Variants in MICAL2 observed in about 807,000 individuals in gnomAD.
MICAL2 encodes the protein [F-actin]-monooxygenase MICAL2.
MICAL2 carries 77 observed loss-of-function variants against 127.3 expected under a neutral mutation model. The ratio of observed to expected loss-of-function variants is 0.60; its 90% CI spans 0.50 to 0.73. The LOEUF is 0.73. MICAL2 is among the 30% of genes least tolerant of loss of function. The pLI, the probability that MICAL2 is intolerant of heterozygous loss-of-function variation, is 0.00. For synonymous variants in MICAL2, 570 were observed against 551.1 expected (o/e 1.03, Z -0.48); for missense variants, 1,351 against 1,434.4 (o/e 0.94, Z 0.94).
At chr11:12,135,720 C>G (rs1851780552) in intron 1 of MICAL2, among the ~76,000 whole-genome samples, 1 of 152,210 alleles carries the variant, frequency 6.6e-6, no homozygotes, top group African/African-American at 2.4e-5. Flanking sequence ...AACTGCCTCA[C>G]TGGGTAGCCT....
intron 1 of MICAL2, among the ~76,000 whole-genome samples, chr11:12,280,640 C>A (rs1418225697): frequency 6.6e-6 from 1 of 152,214 alleles, no homozygotes; most frequent in Non-Finnish European, 1.5e-5. Context: ...ATATCAGGTG[C>A]ATGGGACAAG....
rs1251462073 is a variant in MICAL2 at position 12,241,038 on chromosome 11, A to T, written c.2215-2A>T. On this transcript the variant is annotated splice_acceptor_variant, in intron 17 of 27. Coordinates refer to ENST00000683283, the MANE Select transcript of MICAL2 (RefSeq NM_001282663.2). LOFTEE classifies it high-confidence loss of function. ...TTTTTGGACTCGCCTTTCTTCTCCC[A>T]GGAACGCCGTGTCTCAGGGATAGGT... 3 of 1,613,286 alleles carry T rather than the reference A, an allele frequency of 1.9e-6. No individual in the cohort carries two copies. Among genetic ancestry groups the T allele is most frequent in the Non-Finnish European group, 2.5e-6 (3 of 1,179,722 alleles).
At chr11:12,116,192 A>G (rs1408154488) in intron 1 of MICAL2, among the ~76,000 whole-genome samples, 2 of 151,514 alleles carry the variant, frequency 1.3e-5, no homozygotes, top group Non-Finnish European at 2.9e-5. Context: ...GTTAGCCAGG[A>G]TGGTCTTGAT....
Position 12,258,574 on chromosome 11 carries a change from A to C in MICAL2, c.3231+18A>C. The C allele has an allele frequency of 6.2e-7, 1 of 1,607,622 alleles. No homozygotes were observed. The highest frequency in any genetic ancestry group is 8.5e-7 in the Non-Finnish European group (1 of 1,175,180). On this transcript the variant is annotated intron_variant, in intron 25 of 27. Coordinates refer to ENST00000683283, the MANE Select transcript of MICAL2 (RefSeq NM_001282663.2). ...AAAGAGAGGTATGTTTGTCTCAAAC[A>C]TGCTGGTGAAACGGGGAAGGCCCCT... is the stretch of plus-strand genomic sequence containing the variant.
chr11:12,262,286 G>A, intron 26 of MICAL2, 194 bp from the exon 27 acceptor site: 1 of 1,431,562 alleles, frequency 7.0e-7, no homozygotes, highest in Non-Finnish European at 9.1e-7. Flanking sequence ...TAAACAAGTA[G>A]CTGGTCACAA....
rs559438088 is a variant in MICAL2, at chr11:12,231,653, C to G, written c.1995+4522C>G. ...GCAGCTTACCTTCTAGTGGGACTTACGAACTTCCTCTCACCTCACTTCCCC... is the reference window on the plus strand; with the variant it reads ...GCAGCTTACCTTCTAGTGGGACTTAGGAACTTCCTCTCACCTCACTTCCCC... On this transcript the variant is annotated intron_variant, in intron 15 of 27. Transcript: ENST00000683283. Among the ~76,000 whole-genome samples the G allele has an allele frequency of 2.0e-5, 3 of 152,312 alleles. No individual in the cohort carries two copies. In the South Asian group the frequency reaches 6.2e-4, roughly 32 times the overall value.
intron 32 of MICAL2, among the ~76,000 whole-genome samples, chr11:12,345,580 C>T (rs1456556020): frequency 6.6e-6 from 1 of 152,160 alleles, no homozygotes; most frequent in East Asian, 1.9e-4. Flanking sequence ...AAGATGTCTC[C>T]ATAACGTGCC....
chr11:12,154,136 C>T lies in MICAL2; in HGVS notation c.-77-7943C>T, dbSNP rs149010249. ...TGGATGCAAGGGCCCTGTAGTCCCT[C>T]GGGAGTGGAGCTGCTGGAAGGAACA... On this transcript the variant is annotated intron_variant, in intron 2 of 27. Coordinates refer to ENST00000683283, the MANE Select transcript of MICAL2 (RefSeq NM_001282663.2). 1.2e-3 allele frequency among the ~76,000 whole-genome samples: 185 copies of T among 152,246 alleles called. 1 individual carries two copies. Among genetic ancestry groups the T allele is most frequent in the Admixed American group, 2.7e-3 (42 of 15,296 alleles).
intron 1 of MICAL2, among the ~76,000 whole-genome samples, chr11:12,279,522 G>A (rs1475776750): frequency 6.6e-6 from 1 of 152,186 alleles, no homozygotes; most frequent in African/African-American, 2.4e-5. Flanking sequence ...CCTCCACGTA[G>A]GCAGGCCTGT....
At chr11:12,304,104 T>A (rs1037435459) in intron 29 of MICAL2, among the ~76,000 whole-genome samples, 4 of 152,198 alleles carry the variant, frequency 2.6e-5, no homozygotes, top group African/African-American at 9.6e-5. Flanking sequence ...TATATTAAAA[T>A]TAATTTTATT....
intron 3 of MICAL2, among the ~76,000 whole-genome samples, chr11:12,168,673 G>T (rs1855848160): frequency 6.6e-6 from 1 of 151,506 alleles, no homozygotes; most frequent in South Asian, 2.1e-4. Context: ...ATAAGGAAAA[G>T]AAAAGGTTTC....
At chr11:12,344,541 C>T (rs544424995) in intron 32 of MICAL2, among the ~76,000 whole-genome samples, 1 of 147,942 alleles carries the variant, frequency 6.8e-6, no homozygotes, top group Admixed American at 6.7e-5. Flanking sequence ...GCTCCTGTTG[C>T]CCAGGCTGGA....
At chr11:12,360,547 A>G (rs1386327556), downstream of MICAL2, among the ~76,000 whole-genome samples, 1 of 152,252 alleles carries the variant, frequency 6.6e-6, no homozygotes, top group South Asian at 2.1e-4. Flanking sequence ...TGTCAGTTGC[A>G]TAAAAGTGCA....
intron 30 of MICAL2, among the ~76,000 whole-genome samples, chr11:12,322,403 G>A (rs1254549524): frequency 6.6e-6 from 1 of 152,054 alleles, no homozygotes; most frequent in African/African-American, 2.4e-5. Flanking sequence ...CAGTCAATCT[G>A]GTAGTCATCT....
At chr11:12,133,330 C>G (rs759192933) in intron 1 of MICAL2, among the ~76,000 whole-genome samples, 1 of 152,180 alleles carries the variant, frequency 6.6e-6, no homozygotes, top group Non-Finnish European at 1.5e-5. Context: ...GATCTGCCTG[C>G]CTCGGGCTCC....
intron 24 of MICAL2, among the ~76,000 whole-genome samples, chr11:12,268,809 T>G (rs1178574819): frequency 6.7e-6 from 1 of 148,420 alleles, no homozygotes; most frequent in Non-Finnish European, 1.5e-5. Context: ...GCTAACATGG[T>G]GAAACACTGT....
downstream of MICAL2, among the ~76,000 whole-genome samples, chr11:12,290,513 A>AAGGAATTTGGC (rs71844453): frequency 0.47 from 70,505 of 151,598 alleles, 18,002 homozygotes; most frequent in African/African-American, 0.66. Flanking sequence ...GGAAGGGAAG[A>AAGGAATTTGGC]AGGAATTTGG....
At chr11:12,270,236 C>T (rs1350310993) in intron 24 of MICAL2, among the ~76,000 whole-genome samples, 1 of 152,236 alleles carries the variant, frequency 6.6e-6, no homozygotes, top group Admixed American at 6.5e-5. Context: ...GGAGGCCACT[C>T]TGCTCAGAAT....
At chr11:12,234,522 T>G (rs1456944856) in intron 15 of MICAL2, among the ~76,000 whole-genome samples, 1 of 152,350 alleles carries the variant, frequency 6.6e-6, no homozygotes, top group African/African-American at 2.4e-5. Flanking sequence ...TGGCTTAAAA[T>G]CTTTTCCATT....
Sources: gnomAD v4.1 joint callset for allele counts (sites outside exome capture counted in the v4.1 genomes callset) on GRCh38, gnomAD v4.1.1 for gene constraint, MANE v1.5 for transcripts, NCBI Gene and HGNC (gene_info 2026-07-23, HGNC 2026-07-21) for gene names.